MALRD1: variants seen among roughly 807,000 people sequenced by gnomAD.
MALRD1 encodes MAM and LDL-receptor class A domain-containing protein 1.
Under a neutral mutation model 242.1 loss-of-function variants are expected in MALRD1, and 247 were observed. That is an observed-to-expected ratio of 1.02 (90% CI 0.92 to 1.13). The LOEUF (loss-of-function observed/expected upper bound fraction) is 1.13, where lower values mean the gene tolerates loss of function less well. Among genes scored for constraint, MALRD1 ranks in the 50% most tolerant of loss-of-function variants. The pLI, the probability that MALRD1 is intolerant of heterozygous loss-of-function variation, is 0.00. For synonymous variants in MALRD1, 995 were observed against 866.6 expected (o/e 1.15, Z -2.60); for missense variants, 2,989 against 2,533.1 (o/e 1.18, Z -3.86).
intron 34 of MALRD1, among the ~76,000 whole-genome samples, chr10:19,604,320 A>G (rs1485212361): frequency 6.6e-6 from 1 of 152,192 alleles, no homozygotes. Flanking sequence ...TACCACTATT[A>G]TTTAGTGCTT....
intron 1 of MALRD1, among the ~76,000 whole-genome samples, chr10:19,062,646 C>G (rs1834856489): frequency 6.6e-6 from 1 of 152,152 alleles, no homozygotes. Flanking sequence ...AAAACATACA[C>G]TATATGATTC....
chr10:19,150,875 C>T lies in MALRD1; in HGVS notation c.1559-4200C>T, dbSNP rs145610710. 2.8e-3 allele frequency among the ~76,000 whole-genome samples: 420 copies of T among 152,198 alleles called. 1 individual carries two copies. Among genetic ancestry groups the T allele is most frequent in the Non-Finnish European group, 4.5e-3 (305 of 68,008 alleles). ...CTATCCAGTGACATCAATATCATGACGATGTTTCAAATTTATTCTTGTACA... is the reference window on the plus strand; with the variant it reads ...CTATCCAGTGACATCAATATCATGATGATGTTTCAAATTTATTCTTGTACA... On this transcript the variant is annotated intron_variant, in intron 11 of 39. Coordinates refer to ENST00000454679, the MANE Select transcript of MALRD1 (RefSeq NM_001142308.3).
At chr10:19,252,909 AC>A (rs1839357554) in intron 18 of MALRD1, among the ~76,000 whole-genome samples, 1 of 151,882 alleles carries the variant, frequency 6.6e-6, no homozygotes, top group Admixed American at 6.6e-5. Flanking sequence ...TGATTTAAAA[AC>A]CCTTTTATAT....
intron 4 of MALRD1, among the ~76,000 whole-genome samples, chr10:19,088,536 C>CTTTTTTTTTTTTTTTTTT (rs748953378): frequency 9.1e-6 from 1 of 110,032 alleles, no homozygotes; most frequent in Non-Finnish European, 1.9e-5. Context: ...CTCTTTCTTT[C>CTTTTTTTTTTTTTTTTTT]TTTTTTTTTT....
chr10:19,379,920 G>A (rs1483899906), intron 26 of MALRD1, among the ~76,000 whole-genome samples: 1 of 151,168 alleles, frequency 6.6e-6, no homozygotes, highest in Non-Finnish European at 1.5e-5. Context: ...GATTCTGTCA[G>A]TGTGTGTTTG....
chr10:19,668,062 T>G (rs1467245943), intron 36 of MALRD1, among the ~76,000 whole-genome samples: 1 of 152,152 alleles, frequency 6.6e-6, no homozygotes, highest in Non-Finnish European at 1.5e-5. Flanking sequence ...TCCACCCTCA[T>G]GCTTTCAACA....
chr10:19,234,818 A>G (rs903660481), intron 18 of MALRD1, among the ~76,000 whole-genome samples: 2 of 152,114 alleles, frequency 1.3e-5, no homozygotes, highest in African/African-American at 4.8e-5. Context: ...ACAAGCAAAG[A>G]ACTACAATAC....
chr10:19,369,781 G>C (rs919976631), intron 26 of MALRD1, among the ~76,000 whole-genome samples: 2 of 151,204 alleles, frequency 1.3e-5, no homozygotes, highest in Non-Finnish European at 2.9e-5. Context: ...TTAACATTGA[G>C]TTATAGATAT....
At chr10:19,491,248 T>A in intron 29 of MALRD1, 1 of 679,234 alleles carries the variant, frequency 1.5e-6, no homozygotes, top group Non-Finnish European at 2.4e-6. Flanking sequence ...GCCACAAATT[T>A]GAGTGTCTCA....
At chr10:19,598,363 T>G (rs7085169) in intron 34 of MALRD1, 77,266 of 151,636 alleles carry the variant, frequency 0.51, 19,770 homozygotes, top group Non-Finnish European at 0.53. Context: ...TGAGCATGAA[T>G]CTGGCTCTTG....
At chr10:19,493,504 T>C (rs1837578700) in intron 30 of MALRD1, among the ~76,000 whole-genome samples, 1 of 152,066 alleles carries the variant, frequency 6.6e-6, no homozygotes, top group Non-Finnish European at 1.5e-5. Context: ...TCTAGTGTTA[T>C]TTCTAGCTTC....
At position 19,730,328 on chromosome 10, in the gene MALRD1, T is replaced by A. The variant is rs144599471; in HGVS notation, c.6315-378T>A. On this transcript the variant is annotated intron_variant, in intron 38 of 39. Coordinates refer to ENST00000454679, the MANE Select transcript of MALRD1 (RefSeq NM_001142308.3). ...TTTGGCACTGTGCAGTGTAAAGGAC[T>A]TCAAGATGGCCTTTCTTTATCACTA... is the stretch of plus-strand genomic sequence containing the variant. 6.6e-3 allele frequency among the ~76,000 whole-genome samples: 1,006 copies of A among 152,324 alleles called. 3 individuals carry two copies. The highest frequency in any genetic ancestry group is 0.011 in the Non-Finnish European group (749 of 68,028).
intron 18 of MALRD1, among the ~76,000 whole-genome samples, chr10:19,227,152 T>C (rs1381929352): frequency 6.6e-6 from 1 of 151,798 alleles, no homozygotes; most frequent in Non-Finnish European, 1.5e-5. Context: ...AAGCTGATTC[T>C]AATTTTTTTT....
intron 36 of MALRD1, among the ~76,000 whole-genome samples, chr10:19,662,543 G>A (rs1032161162): frequency 4.6e-5 from 7 of 152,146 alleles, no homozygotes; most frequent in Admixed American, 2.0e-4. Context: ...TGTATTTGTA[G>A]CATTTCTAAG....
chr10:19,568,804 G>A lies in MALRD1; in HGVS notation c.5680+1101G>A, dbSNP rs185170254. ...GATAACACCTTATCCAAATCCATTCGCATTCAGAATTTTGAATTCTATTAT... is the reference window on the plus strand; with the variant it reads ...GATAACACCTTATCCAAATCCATTCACATTCAGAATTTTGAATTCTATTAT... On this transcript the variant is annotated intron_variant, in intron 33 of 39. Transcript: ENST00000454679. Among the ~76,000 whole-genome samples, 638 of 151,924 alleles carry A rather than the reference G, an allele frequency of 4.2e-3. 7 individuals carry two copies. The highest frequency in any genetic ancestry group is 6.5e-3 in the Non-Finnish European group (443 of 67,924).
At chr10:19,239,962 G>C (rs1220089398) in intron 18 of MALRD1, among the ~76,000 whole-genome samples, 1 of 152,042 alleles carries the variant, frequency 6.6e-6, no homozygotes, top group Non-Finnish European at 1.5e-5. Flanking sequence ...TTTTGCACAG[G>C]ATTGCTTTGG....
chr10:19,135,365 G>C (rs1395307955), intron 9 of MALRD1, among the ~76,000 whole-genome samples: 4 of 152,086 alleles, frequency 2.6e-5, no homozygotes, highest in Non-Finnish European at 5.9e-5. Context: ...ATATTGGCCA[G>C]GCTGGTCTCG....
At chr10:19,504,532 T>A (rs1405835971) in intron 31 of MALRD1, among the ~76,000 whole-genome samples, 2 of 152,066 alleles carry the variant, frequency 1.3e-5, no homozygotes, top group African/African-American at 4.8e-5. Flanking sequence ...AGACCATTAT[T>A]CCTGGACCCA....
chr10:19,323,757 C>T (rs540759192), intron 21 of MALRD1, among the ~76,000 whole-genome samples, 192 bp from the exon 22 acceptor site: 56 of 152,076 alleles, frequency 3.7e-4, no homozygotes, highest in Non-Finnish European at 6.9e-4. Context: ...TACAGGCACA[C>T]GCCACCACTC....
Sources: gnomAD v4.1 joint callset for allele counts (sites outside exome capture counted in the v4.1 genomes callset) on GRCh38, gnomAD v4.1.1 for gene constraint, MANE v1.5 for transcripts, NCBI Gene and HGNC (gene_info 2026-07-23, HGNC 2026-07-21) for gene names.